HPSE2: variants seen among roughly 807,000 people sequenced by gnomAD.
HPSE2 encodes the protein inactive heparanase-2.
In HPSE2, 38 loss-of-function variants were observed where a neutral mutation model predicts 60.5. The observed-to-expected ratio is 0.63, with a 90% CI of 0.48 to 0.82. The LOEUF is 0.82. HPSE2 is among the 40% of genes least tolerant of loss of function. The pLI is 0.00. For synonymous variants in HPSE2, 295 were observed against 293.2 expected (o/e 1.01, Z -0.06); for missense variants, 713 against 740.4 (o/e 0.96, Z 0.43).
chr10:99,062,864 C>A (rs1842494165), intron 3 of HPSE2, among the ~76,000 whole-genome samples: 1 of 152,130 alleles, frequency 6.6e-6, no homozygotes, highest in African/African-American at 2.4e-5. Context: ...AACTATTAGT[C>A]CTGCTTTAGG....
At chr10:98,726,576 G>A (rs1316595561) in intron 4 of HPSE2, among the ~76,000 whole-genome samples, 6 of 150,834 alleles carry the variant, frequency 4.0e-5, no homozygotes, top group South Asian at 2.1e-4. Context: ...CATGGCATAT[G>A]TATACATATG....
At chr10:98,826,732 C>T (rs115049914) in intron 3 of HPSE2, among the ~76,000 whole-genome samples, 1,813 of 152,300 alleles carry the variant, frequency 0.012, 24 homozygotes, top group African/African-American at 0.041. Context: ...ATTGTGCTAG[C>T]CACAATTTAC....
chr10:99,231,178 T>C (rs1194272196), intron 2 of HPSE2, among the ~76,000 whole-genome samples: 2 of 152,220 alleles, frequency 1.3e-5, no homozygotes, highest in African/African-American at 2.4e-5. Flanking sequence ...TCTGCCACCC[T>C]TGAAATACAT....
chr10:98,677,349 C>A (rs2134127384), intron 6 of HPSE2, among the ~76,000 whole-genome samples: 1 of 152,254 alleles, frequency 6.6e-6, no homozygotes, highest in Non-Finnish European at 1.5e-5. Flanking sequence ...TGGCCATAGG[C>A]AAAAGCCTTG....
intron 3 of HPSE2, among the ~76,000 whole-genome samples, chr10:98,815,405 T>C (rs1012830627): frequency 2.0e-5 from 3 of 152,188 alleles, no homozygotes; most frequent in African/African-American, 4.8e-5. Context: ...TTCAAAGCAG[T>C]TGCTGATTCA....
chr10:99,088,412 T>C (rs1843400551), intron 3 of HPSE2, among the ~76,000 whole-genome samples: 1 of 152,156 alleles, frequency 6.6e-6, no homozygotes, highest in South Asian at 2.1e-4. Context: ...TCTTATGCCT[T>C]TGCATCTCAT....
intron 11 of HPSE2, among the ~76,000 whole-genome samples, chr10:98,469,860 C>T (rs931719121): frequency 2.0e-5 from 3 of 152,276 alleles, no homozygotes; most frequent in South Asian, 2.1e-4. Flanking sequence ...TCCAGCTCCA[C>T]GGCCTTCAGC....
chr10:98,512,140 C>T (rs570470712), intron 9 of HPSE2, among the ~76,000 whole-genome samples: 17 of 152,166 alleles, frequency 1.1e-4, no homozygotes, highest in Non-Finnish European at 2.1e-4. Context: ...CCAACTTCCT[C>T]CACAGAGAGG....
chr10:99,313,034 C>T, the HPSE2 span, among the ~76,000 whole-genome samples: 1 of 152,168 alleles, frequency 6.6e-6, no homozygotes, highest in Non-Finnish European at 1.5e-5. Flanking sequence ...CACCTTCTGC[C>T]ATGATTGTAA....
chr10:98,673,703 AT>A (rs202137575), intron 6 of HPSE2, among the ~76,000 whole-genome samples: 100 of 150,288 alleles, frequency 6.7e-4, no homozygotes, highest in Non-Finnish European at 9.6e-4. Flanking sequence ...GATTTCTTGT[AT>A]TTTTTTTTTC....
At chr10:99,021,958 T>C (rs1957273103) in intron 3 of HPSE2, among the ~76,000 whole-genome samples, 1 of 151,796 alleles carries the variant, frequency 6.6e-6, no homozygotes, top group Non-Finnish European at 1.5e-5. Context: ...TTGTTACATA[T>C]GTATACATGT....
the HPSE2 span, among the ~76,000 whole-genome samples, chr10:99,266,879 A>G: frequency 1.3e-5 from 2 of 152,116 alleles, no homozygotes; most frequent in Non-Finnish European, 2.9e-5. Flanking sequence ...CTGCTGGGAG[A>G]CTAGATCCAG....
At chr10:98,581,577 G>T (rs1046013153) in intron 9 of HPSE2, among the ~76,000 whole-genome samples, 1 of 152,134 alleles carries the variant, frequency 6.6e-6, no homozygotes, top group Non-Finnish European at 1.5e-5. Context: ...ATTTACCACA[G>T]ATATGATTAA....
At chr10:98,651,970 C>T (rs147255965) in intron 6 of HPSE2, among the ~76,000 whole-genome samples, 2,965 of 152,096 alleles carry the variant, frequency 0.019, 50 homozygotes, top group South Asian at 0.042. Context: ...CAGGTTTCAC[C>T]ATGTTGGTCA....
In HPSE2 at chr10:98,595,969, T is replaced by C. The variant is rs1030627847; in HGVS notation, c.1320+18935A>G. 1.6e-4 allele frequency among the ~76,000 whole-genome samples: 25 copies of C among 152,382 alleles called. 2 individuals are homozygous for C. In the South Asian group the frequency reaches 2.3e-3, roughly 14 times the overall value. On this transcript the variant is annotated intron_variant, in intron 9 of 11. Transcript: ENST00000370552. ...ATCTATTGAAATGATTATATGTTTT[T>C]TGTCCTTCATTCTGTTAATGTAGTG...
At chr10:98,790,546 G>A (rs1324510227) in intron 3 of HPSE2, among the ~76,000 whole-genome samples, 1 of 152,156 alleles carries the variant, frequency 6.6e-6, no homozygotes, top group Non-Finnish European at 1.5e-5. Flanking sequence ...TCTCAGAGCA[G>A]AGGATTAAGT....
At chr10:99,286,517 G>A in the HPSE2 span, among the ~76,000 whole-genome samples, 1 of 152,220 alleles carries the variant, frequency 6.6e-6, no homozygotes, top group East Asian at 1.9e-4. Context: ...TAGATTAGTG[G>A]TCACCAGGGG....
chr10:98,933,398 C>T (rs1954695966), intron 3 of HPSE2, among the ~76,000 whole-genome samples: 1 of 144,012 alleles, frequency 6.9e-6, no homozygotes, highest in East Asian at 2.0e-4. Context: ...AGAATAAGTG[C>T]CATGTGGCAC....
intron 4 of HPSE2, among the ~76,000 whole-genome samples, chr10:98,725,333 T>C (rs1949044085): frequency 2.0e-5 from 3 of 152,076 alleles, no homozygotes; most frequent in East Asian, 1.9e-4. Flanking sequence ...GAAATAATGC[T>C]GCATATCTTC....
Sources: gnomAD v4.1 joint callset for allele counts (sites outside exome capture counted in the v4.1 genomes callset) on GRCh38, gnomAD v4.1.1 for gene constraint, MANE v1.5 for transcripts, NCBI Gene and HGNC (gene_info 2026-07-23, HGNC 2026-07-21) for gene names.